Variants in PCED1B observed in about 807,000 individuals in gnomAD.
PCED1B encodes the protein PC-esterase domain-containing protein 1B.
For synonymous variants in PCED1B, 251 were observed against 246.1 expected (o/e 1.02, Z -0.19); for missense variants, 573 against 573.9 (o/e 1.00, Z 0.02).
chr12:47,139,468 C>T (rs1940508863), intron 2 of PCED1B, among the ~76,000 whole-genome samples: 1 of 152,092 alleles, frequency 6.6e-6, no homozygotes, highest in African/African-American at 2.4e-5. Flanking sequence ...GAGGGAACTG[C>T]AAATGCCAAT....
At chr12:47,151,001 A>G (rs998668755) in intron 2 of PCED1B, among the ~76,000 whole-genome samples, 1 of 152,176 alleles carries the variant, frequency 6.6e-6, no homozygotes, top group Non-Finnish European at 1.5e-5. Flanking sequence ...TAAAGGGAAC[A>G]CAGAGGAAAA....
chr12:47,099,396 A>G (rs1938609890), intron 1 of PCED1B, among the ~76,000 whole-genome samples: 1 of 152,120 alleles, frequency 6.6e-6, no homozygotes, highest in Non-Finnish European at 1.5e-5. Flanking sequence ...CACACCACAT[A>G]CTACATAAGC....
At chr12:47,214,385 T>C (rs1943184510) in intron 2 of PCED1B, among the ~76,000 whole-genome samples, 2 of 152,232 alleles carry the variant, frequency 1.3e-5, no homozygotes, top group Admixed American at 1.3e-4. Flanking sequence ...TCAGGACTGT[T>C]GTGAAACCTC....
At chr12:47,188,406 G>A (rs534984368) in intron 2 of PCED1B, among the ~76,000 whole-genome samples, 1 of 152,104 alleles carries the variant, frequency 6.6e-6, no homozygotes, top group African/African-American at 2.4e-5. Flanking sequence ...GGAGAAGCAT[G>A]GAATATACTG....
At chr12:47,234,913 C>T in intron 3 of PCED1B, 94 bp from the exon 4 acceptor site, 1 of 610,128 alleles carries the variant, frequency 1.6e-6, no homozygotes, top group Non-Finnish European at 2.6e-6. Flanking sequence ...GCCACAGCGC[C>T]ATCCCCTTCC....
chr12:47,121,908 T>G (rs1340651866), intron 2 of PCED1B, among the ~76,000 whole-genome samples: 3 of 151,488 alleles, frequency 2.0e-5, no homozygotes, highest in African/African-American at 7.3e-5. Context: ...GGTGGGCGCC[T>G]GTAATCCCAG....
intron 2 of PCED1B, among the ~76,000 whole-genome samples, chr12:47,181,161 T>A (rs1942083167): frequency 6.6e-6 from 1 of 151,982 alleles, no homozygotes; most frequent in South Asian, 2.1e-4. Context: ...TTATTTGTAT[T>A]TTTTGTAGAG....
At chr12:47,188,075 T>C (rs1329425435) in intron 2 of PCED1B, among the ~76,000 whole-genome samples, 4 of 152,144 alleles carry the variant, frequency 2.6e-5, no homozygotes, top group Admixed American at 6.5e-5. Flanking sequence ...TTGGAGTCCC[T>C]TCTGTTCCCC....
At chr12:47,183,915 G>T (rs1942173631) in intron 2 of PCED1B, among the ~76,000 whole-genome samples, 1 of 152,216 alleles carries the variant, frequency 6.6e-6, no homozygotes, top group Non-Finnish European at 1.5e-5. Context: ...GCTATGCTAG[G>T]CAGTGGGGAT....
intron 1 of PCED1B, among the ~76,000 whole-genome samples, chr12:47,097,632 CAGT>C (rs1484269936): frequency 3.3e-5 from 5 of 152,094 alleles, no homozygotes; most frequent in Non-Finnish European, 7.4e-5. Flanking sequence ...GGGAACTTCT[CAGT>C]GGTGAAATCT....
intron 3 of PCED1B, among the ~76,000 whole-genome samples, chr12:47,234,598 TTATC>T (rs1943912855): frequency 6.6e-6 from 1 of 152,196 alleles, no homozygotes; most frequent in Admixed American, 6.5e-5. Context: ...GGGGTCCTCA[TTATC>T]TAACAGTGGC....
chr12:47,198,998 A>G (rs1942688674), intron 2 of PCED1B, among the ~76,000 whole-genome samples: 1 of 152,014 alleles, frequency 6.6e-6, no homozygotes, highest in Admixed American at 6.6e-5. Flanking sequence ...AAAGAAAAGA[A>G]GGAAAATCCC....
intron 2 of PCED1B, among the ~76,000 whole-genome samples, chr12:47,131,878 AG>A (rs1940145301): frequency 6.6e-6 from 1 of 152,074 alleles, no homozygotes; most frequent in Admixed American, 6.5e-5. Flanking sequence ...CATGTTGGCC[AG>A]GGTGGTCTTG....
chr12:47,224,131 A>G (rs1342772319), intron 3 of PCED1B: 5 of 152,252 alleles, frequency 3.3e-5, no homozygotes, highest in Non-Finnish European at 7.3e-5. Context: ...GAGGTTTACT[A>G]TAGACTGTAC....
intron 1 of PCED1B, among the ~76,000 whole-genome samples, chr12:47,095,803 T>C (rs2137194732): frequency 6.6e-6 from 1 of 152,342 alleles, no homozygotes; most frequent in East Asian, 1.9e-4. Flanking sequence ...ATTCTCCTTT[T>C]ATTCATCATT....
At chr12:47,124,221 C>G (rs1226257198) in intron 2 of PCED1B, among the ~76,000 whole-genome samples, 1 of 151,994 alleles carries the variant, frequency 6.6e-6, no homozygotes, top group Non-Finnish European at 1.5e-5. Context: ...CTGCTTTTTA[C>G]CACTATAGAT....
At chr12:47,086,978 C>T (rs77360976) in intron 1 of PCED1B, among the ~76,000 whole-genome samples, 1,845 of 152,220 alleles carry the variant, frequency 0.012, 30 homozygotes, top group African/African-American at 0.042. Context: ...CACCAACCAA[C>T]GTTAACACTA....
At chr12:47,172,340 C>CTTTTTTTTTTTTTTTTTTTTTTTTTT (rs34230051) in intron 2 of PCED1B, among the ~76,000 whole-genome samples, 13 of 78,350 alleles carry the variant, frequency 1.7e-4, no homozygotes, top group Admixed American at 7.5e-4. Flanking sequence ...TCGTGGGTTG[C>CTTTTTTTTTTTTTTTTTTTTTTTTTT]TTTTTTTTTT....
At chr12:47,152,271 A>G (rs1204251265) in intron 2 of PCED1B, among the ~76,000 whole-genome samples, 1 of 152,200 alleles carries the variant, frequency 6.6e-6, no homozygotes, top group Non-Finnish European at 1.5e-5. Context: ...AACCTGGCCA[A>G]GACCACATTA....
Sources: gnomAD v4.1 joint callset for allele counts (sites outside exome capture counted in the v4.1 genomes callset) on GRCh38, gnomAD v4.1.1 for gene constraint, MANE v1.5 for transcripts, NCBI Gene and HGNC (gene_info 2026-07-23, HGNC 2026-07-21) for gene names.